DTL: variants seen among roughly 807,000 people sequenced by gnomAD.
The protein encoded by DTL is denticleless protein homolog.
In DTL, 46 loss-of-function variants were observed where a neutral mutation model predicts 87.0. That is an observed-to-expected ratio of 0.53 (90% CI 0.42 to 0.68). The LOEUF is 0.68. Ranked by LOEUF, DTL falls within the 30% of genes least tolerant of loss-of-function variation. DTL has a pLI of 0.00. For synonymous variants in DTL, 308 were observed against 311.2 expected, an observed-to-expected ratio of 0.99 and a Z score of 0.11; for missense variants, 737 against 869.4, an observed-to-expected ratio of 0.85 and a Z score of 1.91.
chr1:212,083,539 A>AT (rs1229728120), intron 13 of DTL, among the ~76,000 whole-genome samples: 1 of 152,222 alleles, frequency 6.6e-6, no homozygotes, highest in African/African-American at 2.4e-5. Flanking sequence ...GATGATTGAA[A>AT]TTAAGATAAT....
At chr1:212,087,541 C>T (rs545497422) in intron 13 of DTL, among the ~76,000 whole-genome samples, 49 of 150,292 alleles carry the variant, frequency 3.3e-4, no homozygotes, top group African/African-American at 1.1e-3. Flanking sequence ...CAGATCAAAA[C>T]TCTGTCTCAA....
rs567037580 is a variant in DTL at position 212,090,138 on chromosome 1, CT to C, written c.1261+9390del. Among the ~76,000 whole-genome samples, 594 of 151,952 alleles carry C rather than the reference CT, an allele frequency of 3.9e-3. 8 individuals carry two copies. The highest frequency in any genetic ancestry group is 0.031 in the Middle Eastern group (9 of 294). On this transcript the variant is annotated intron_variant, in intron 13 of 14. Coordinates refer to ENST00000366991, the MANE Select transcript of DTL (RefSeq NM_016448.4). Reference sequence around the variant, plus strand: ...TGTTACTAAGTCCTTTTCATGGCATCTTATGACAAAATGGGGTTTTTCAGTA... The same window carrying C: ...TGTTACTAAGTCCTTTTCATGGCATCTATGACAAAATGGGGTTTTTCAGTA...
chr1:212,067,469 C>CT (rs975983548), intron 8 of DTL, among the ~76,000 whole-genome samples: 1 of 152,134 alleles, frequency 6.6e-6, no homozygotes, highest in East Asian at 1.9e-4. Flanking sequence ...AATGGAGACT[C>CT]TTTCTTTTTA....
Position 212,044,464 on chromosome 1 carries a change from C to T in DTL, c.179-196C>T, listed in dbSNP as rs144830709. On this transcript the variant is annotated intron_variant, in intron 2 of 14. Coordinates refer to ENST00000366991, the MANE Select transcript of DTL (RefSeq NM_016448.4). ...TAGTAAAAATACAAAATTAGCTGGG[C>T]GTGGTGGCGCATGCCTGTAATCCCA... Among the ~76,000 whole-genome samples, 83 of 152,194 alleles carry T rather than the reference C, an allele frequency of 5.5e-4. No individual in the cohort carries two copies. The East Asian group carries it at 0.014, about 26-fold the overall frequency.
At chr1:212,086,275 G>A (rs1021919234) in intron 13 of DTL, among the ~76,000 whole-genome samples, 1 of 151,990 alleles carries the variant, frequency 6.6e-6, no homozygotes, top group Non-Finnish European at 1.5e-5. Flanking sequence ...GTCGTTATAT[G>A]TACTTTTCTC....
chr1:212,047,108 A>G (rs1270830048), intron 3 of DTL, 43 bp from the exon 4 acceptor site: 1 of 1,571,742 alleles, frequency 6.4e-7, no homozygotes. Context: ...GGTACCACAG[A>G]ATACAATTTA....
chr1:212,044,003 C>A (rs1457598546), intron 2 of DTL, among the ~76,000 whole-genome samples: 8 of 152,140 alleles, frequency 5.3e-5, no homozygotes, highest in Admixed American at 5.2e-4. Flanking sequence ...GCAAGAGAAT[C>A]GCTTGAACCT....
Position 212,068,268 on chromosome 1 carries a change from G to A in DTL, c.758G>A (p.Arg253Gln), listed in dbSNP as rs770055879. 6 of 1,611,806 alleles carry A rather than the reference G, an allele frequency of 3.7e-6. No individual in the cohort carries two copies. The highest frequency in any genetic ancestry group is 3.4e-6 in the Non-Finnish European group (4 of 1,179,418). Residue 253 changes from arginine (R) to glutamine (Q), a missense_variant, in exon 9 of 15, where the codon CGA (arginine) becomes CAA (glutamine). Coordinates refer to ENST00000366991, the MANE Select transcript of DTL (RefSeq NM_016448.4). ...TTACGTAAGAATTATACTGCTTATC[G>A]ACAAGAACCCATAGCATCCAAGTCT... ...WDLRKNYTAY[R>Q]QEPIASKSFL... is the part of the protein sequence containing the mutation.
intron 13 of DTL, among the ~76,000 whole-genome samples, chr1:212,089,402 T>C (rs1655221092): frequency 6.6e-6 from 1 of 152,222 alleles, no homozygotes; most frequent in African/African-American, 2.4e-5. Flanking sequence ...TGTACAGATA[T>C]ATATATAGTA....
At position 212,103,913 on chromosome 1, in the gene DTL, C is replaced by T. The variant is rs1425305435; in HGVS notation, c.*973C>T. 2 of 152,064 alleles carry T rather than the reference C, an allele frequency of 1.3e-5. No individual in the cohort carries two copies. The highest frequency in any genetic ancestry group is 2.9e-5 in the Non-Finnish European group (2 of 68,012). The allele number at this position is 152,064 out of a possible 1,614,324, so 9.4% of individuals were successfully genotyped here. On this transcript the variant is annotated 3_prime_UTR_variant, in exon 15 of 15. Transcript: ENST00000366991. ...TAGCTCTTAACTGAAAATCCAGAAC[C>T]AGAAACATAAATCTTGAGTTTCTTT...
intron 13 of DTL, 100 bp from the exon 14 acceptor site, chr1:212,100,152 C>A: frequency 1.2e-6 from 1 of 836,728 alleles, no homozygotes. Flanking sequence ...GGCAAATTGA[C>A]CCTTAGATGA....
At chr1:212,081,080 G>A (rs188616935) in intron 13 of DTL, among the ~76,000 whole-genome samples, 112 of 152,150 alleles carry the variant, frequency 7.4e-4, no homozygotes, top group African/African-American at 2.7e-3. Flanking sequence ...AGTGTGAGAG[G>A]CAATAAACAA....
rs141132068 is a variant in DTL, at chr1:212,080,704, G to A, written c.1215G>A (p.Thr405=). Residue 405 remains threonine (T), a synonymous_variant, in exon 13 of 15, where the codon ACG becomes ACA. Coordinates refer to ENST00000366991, the MANE Select transcript of DTL (RefSeq NM_016448.4). ...AACCAGGAGGTGATAAACTTTCCAC[G>A]GTGGGTTGGGCCTCTCAGAAGAAAA... ...EEKPGGDKLS[T]VGWASQKKKE... is the part of the protein sequence containing the mutation. 2.2e-4 allele frequency: 352 copies of A among 1,613,674 alleles called. No homozygotes were observed. Among genetic ancestry groups the A allele is most frequent in the Non-Finnish European group, 2.8e-4 (327 of 1,179,656 alleles).
chr1:212,097,849 A>C (rs544036906), intron 13 of DTL, among the ~76,000 whole-genome samples: 1 of 152,146 alleles, frequency 6.6e-6, no homozygotes, highest in Non-Finnish European at 1.5e-5. Flanking sequence ...GTTTGGGTGG[A>C]CTATGTCAGA....
At chr1:212,045,924 TTTGTTGTTGTTG>T (rs10636026) in intron 3 of DTL, among the ~76,000 whole-genome samples, 17 of 150,756 alleles carry the variant, frequency 1.1e-4, no homozygotes, top group East Asian at 3.9e-4. Flanking sequence ...TGTTTTTGGT[TTTGTTGTTGTTG>T]TTGTTGTTGT....
At chr1:212,054,827 A>G (rs1490568907) in intron 5 of DTL, among the ~76,000 whole-genome samples, 1 of 150,922 alleles carries the variant, frequency 6.6e-6, no homozygotes, top group Admixed American at 6.6e-5. Context: ...GGAAAGTGGT[A>G]ACTTAAAGGG....
At chr1:212,089,485 A>G (rs1449487029) in intron 13 of DTL, among the ~76,000 whole-genome samples, 2 of 152,236 alleles carry the variant, frequency 1.3e-5, no homozygotes, top group Non-Finnish European at 2.9e-5. Context: ...ATAGGCACAG[A>G]GAAAATTGCG....
chr1:212,072,859 G>A (rs1654717754), intron 11 of DTL, among the ~76,000 whole-genome samples: 1 of 151,246 alleles, frequency 6.6e-6, no homozygotes, highest in Non-Finnish European at 1.5e-5. Context: ...CGCCTCCCAG[G>A]TTCACGCCAT....
At chr1:212,052,313 TG>T (rs1668007757) in intron 5 of DTL, among the ~76,000 whole-genome samples, 1 of 152,198 alleles carries the variant, frequency 6.6e-6, no homozygotes. Flanking sequence ...TCCTTTTTAC[TG>T]AATAGGAATT....
Sources: allele counts gnomAD v4.1 joint callset (sites outside exome capture counted in the v4.1 genomes callset), GRCh38; gene constraint gnomAD v4.1.1; transcripts MANE v1.5; gene names NCBI Gene and HGNC (gene_info 2026-07-23, HGNC 2026-07-21).